Variants in TSNARE1 observed in about 807,000 individuals in gnomAD.
The protein encoded by TSNARE1 is t-SNARE domain-containing protein 1.
A neutral mutation model predicts 62.0 loss-of-function variants in TSNARE1; 49 were observed. The observed-to-expected ratio is 0.79, with a 90% CI of 0.63 to 1.00. The LOEUF is 1.00. Ranked by LOEUF, TSNARE1 falls within the 50% of genes least tolerant of loss-of-function variation. TSNARE1 has a pLI of 0.00. For synonymous variants in TSNARE1, 328 were observed against 294.4 expected (o/e 1.11, Z -1.17); for missense variants, 755 against 700.1 (o/e 1.08, Z -0.88).
chr8:142,381,768 G>C (rs1373445553), intron 1 of TSNARE1, among the ~76,000 whole-genome samples: 1 of 152,204 alleles, frequency 6.6e-6, no homozygotes, highest in East Asian at 1.9e-4. Context: ...ACCTGGGCAA[G>C]CATCGTCACC....
intron 13 of TSNARE1, among the ~76,000 whole-genome samples, chr8:142,219,792 C>T (rs925090075): frequency 5.3e-5 from 8 of 152,202 alleles, no homozygotes; most frequent in Non-Finnish European, 5.9e-5. Context: ...AGGCCTCAGC[C>T]GTCCTTCTGG....
At chr8:142,279,965 C>T (rs1415449294) in intron 11 of TSNARE1, 22 of 1,116,408 alleles carry the variant, frequency 2.0e-5, no homozygotes, top group Middle Eastern at 8.4e-4. Flanking sequence ...GGGGCGGGGC[C>T]GCCCTCCGCC....
intron 12 of TSNARE1, among the ~76,000 whole-genome samples, chr8:142,232,151 G>T (rs1473683538): frequency 6.6e-6 from 1 of 152,228 alleles, no homozygotes; most frequent in Non-Finnish European, 1.5e-5. Context: ...TTGACTTGGG[G>T]TGCCATGCCC....
At chr8:142,274,969 C>A in intron 11 of TSNARE1, 106 bp from the exon 12 acceptor site, 1 of 1,391,546 alleles carries the variant, frequency 7.2e-7, no homozygotes, top group Non-Finnish European at 9.4e-7. Flanking sequence ...CCAGGGCCTG[C>A]AGAGGAGCAG....
At chr8:142,220,104 G>T (rs1029065813) in intron 13 of TSNARE1, among the ~76,000 whole-genome samples, 4 of 152,248 alleles carry the variant, frequency 2.6e-5, no homozygotes, top group Non-Finnish European at 5.9e-5. Flanking sequence ...GTGCCTGCAG[G>T]GTAACAGTAA....
chr8:142,282,854 T>C (rs1266611160), intron 11 of TSNARE1, among the ~76,000 whole-genome samples: 1 of 135,792 alleles, frequency 7.4e-6, no homozygotes, highest in Non-Finnish European at 1.6e-5. Flanking sequence ...GGCCAGTGTC[T>C]ATCAATGAGC....
chr8:142,276,586 G>A (rs1769993604), intron 11 of TSNARE1: 2 of 985,422 alleles, frequency 2.0e-6, no homozygotes, highest in Non-Finnish European at 2.4e-6. Context: ...CACAGGTGGT[G>A]CTGGACAGGC....
intron 4 of TSNARE1, among the ~76,000 whole-genome samples, chr8:142,338,986 G>C (rs139626426): frequency 6.6e-6 from 1 of 152,122 alleles, no homozygotes. Context: ...TTCTGCTACC[G>C]TGACCTGGGC....
chr8:142,253,848 C>A (rs187079351), intron 12 of TSNARE1, among the ~76,000 whole-genome samples: 51 of 152,332 alleles, frequency 3.3e-4, no homozygotes, highest in African/African-American at 1.2e-3. Context: ...CTCATGGACT[C>A]CCGAGCCCGG....
intron 6 of TSNARE1, among the ~76,000 whole-genome samples, chr8:142,320,762 C>CA (rs1829366583): frequency 6.6e-6 from 1 of 152,260 alleles, no homozygotes; most frequent in African/African-American, 2.4e-5. Context: ...AACACCTGCC[C>CA]AGACAGCTCC....
chr8:142,308,068 ATTGT>A (rs1486686422), intron 9 of TSNARE1, among the ~76,000 whole-genome samples: 1 of 152,178 alleles, frequency 6.6e-6, no homozygotes, highest in Non-Finnish European at 1.5e-5. Flanking sequence ...CTGTCCTTTC[ATTGT>A]TTTTCAATAG....
At chr8:142,237,224 C>T (rs1488809102) in intron 12 of TSNARE1, among the ~76,000 whole-genome samples, 1 of 152,188 alleles carries the variant, frequency 6.6e-6, no homozygotes, top group Non-Finnish European at 1.5e-5. Context: ...CCTGCGTGGA[C>T]CACTCTCTCC....
chr8:142,242,379 A>G (rs561566075), intron 12 of TSNARE1, among the ~76,000 whole-genome samples: 1 of 152,382 alleles, frequency 6.6e-6, no homozygotes, highest in East Asian at 1.9e-4. Context: ...ATATGACCCC[A>G]ACAGCATGAG....
At chr8:142,299,635 G>GCACT in intron 10 of TSNARE1, among the ~76,000 whole-genome samples, 1 of 152,136 alleles carries the variant, frequency 6.6e-6, no homozygotes, top group East Asian at 1.9e-4. Flanking sequence ...GCACACACAC[G>GCACT]CACTCACGCA....
chr8:142,220,571 C>T (rs373567524), intron 13 of TSNARE1, among the ~76,000 whole-genome samples: 1 of 152,194 alleles, frequency 6.6e-6, no homozygotes, highest in Non-Finnish European at 1.5e-5. Flanking sequence ...CTCCAGATTC[C>T]GACCTGGAAC....
intron 1 of TSNARE1, among the ~76,000 whole-genome samples, chr8:142,391,165 CTG>C (rs1278742833): frequency 7.7e-5 from 11 of 143,456 alleles, no homozygotes; most frequent in Admixed American, 5.5e-4. Flanking sequence ...GCTGGGGACT[CTG>C]TAACAGACGC....
At chr8:142,307,016 C>T (rs1826807105) in intron 9 of TSNARE1, among the ~76,000 whole-genome samples, 1 of 152,208 alleles carries the variant, frequency 6.6e-6, no homozygotes, top group African/African-American at 2.4e-5. Flanking sequence ...CACTGTCCAC[C>T]AGTGGGGCCT....
At chr8:142,282,259 C>T (rs1821630891) in intron 11 of TSNARE1, among the ~76,000 whole-genome samples, 1 of 152,230 alleles carries the variant, frequency 6.6e-6, no homozygotes. Context: ...AGAGCTCCAG[C>T]CTCTACATCT....
chr8:142,363,750 C>T (rs944257763), intron 1 of TSNARE1, among the ~76,000 whole-genome samples: 2 of 152,106 alleles, frequency 1.3e-5, no homozygotes, highest in African/African-American at 4.8e-5. Context: ...CAAAACGGCT[C>T]CCACCCATGA....
Sources: allele counts gnomAD v4.1 joint callset (sites outside exome capture counted in the v4.1 genomes callset), GRCh38; gene constraint gnomAD v4.1.1; transcripts MANE v1.5; gene names NCBI Gene and HGNC (gene_info 2026-07-23, HGNC 2026-07-21).